Variants in NBEAL1 observed in about 807,000 individuals in gnomAD.
The protein encoded by NBEAL1 is neurobeachin-like protein 1.
NBEAL1 carries 273 observed loss-of-function variants against 351.3 expected under a neutral mutation model. That is an observed-to-expected ratio of 0.78 (90% CI 0.70 to 0.86). NBEAL1 has a LOEUF of 0.86. NBEAL1 is among the 40% of genes least tolerant of loss of function. NBEAL1 has a pLI of 0.00. For missense variants in NBEAL1, 2,961 were observed against 3,201.3 expected, an observed-to-expected ratio of 0.92 and a Z score of 1.81; for synonymous variants, 1,050 against 1,086.4, an observed-to-expected ratio of 0.97 and a Z score of 0.66.
chr2:203,210,122 G>A (rs1209231863), intron 53 of NBEAL1, among the ~76,000 whole-genome samples: 3 of 152,054 alleles, frequency 2.0e-5, no homozygotes, highest in African/African-American at 7.2e-5. Flanking sequence ...CAGCACTTTG[G>A]GAGGCTGAGG....
chr2:203,206,563 G>C (rs1363581103), intron 51 of NBEAL1, among the ~76,000 whole-genome samples: 2 of 147,672 alleles, frequency 1.4e-5, no homozygotes, highest in Admixed American at 1.4e-4. Context: ...TTGCAGGCGC[G>C]CGCCGCCACG....
intron 12 of NBEAL1, among the ~76,000 whole-genome samples, chr2:203,102,725 A>AT (rs1209143784): frequency 1.3e-5 from 2 of 152,040 alleles, no homozygotes; most frequent in East Asian, 3.9e-4. Flanking sequence ...TTTGTTGAAG[A>AT]TTTTTGCATC....
intron 48 of NBEAL1, 112 bp downstream of exon 48, chr2:203,197,503 T>A: frequency 1.5e-6 from 1 of 658,292 alleles, no homozygotes; most frequent in East Asian, 2.8e-5. Context: ...GCATGGTGGT[T>A]CATGCCTGTA....
At chr2:203,212,862 C>T (rs2065824360) in intron 54 of NBEAL1, among the ~76,000 whole-genome samples, 3 of 152,038 alleles carry the variant, frequency 2.0e-5, no homozygotes, top group South Asian at 2.1e-4. Context: ...AGCACAAAGA[C>T]GTAGGAACAG....
chr2:203,110,915 G>GCA (rs1199501318), intron 15 of NBEAL1, among the ~76,000 whole-genome samples: 1 of 151,358 alleles, frequency 6.6e-6, no homozygotes, highest in Non-Finnish European at 1.5e-5. Flanking sequence ...ACAGGCACGT[G>GCA]CCACCACACC....
intron 36 of NBEAL1, among the ~76,000 whole-genome samples, chr2:203,164,035 A>G (rs932627414): frequency 6.6e-6 from 1 of 151,936 alleles, no homozygotes; most frequent in Non-Finnish European, 1.5e-5. Flanking sequence ...TTTTGTGCAT[A>G]TTTTTACTCA....
chr2:203,207,471 G>T (rs1031456212), intron 51 of NBEAL1, among the ~76,000 whole-genome samples: 7 of 152,190 alleles, frequency 4.6e-5, no homozygotes, highest in Non-Finnish European at 7.3e-5. Flanking sequence ...GAATAGAAAG[G>T]GGGGAAAGGT....
At chr2:203,140,333 A>G (rs1391051438) in intron 31 of NBEAL1, among the ~76,000 whole-genome samples, 1 of 151,968 alleles carries the variant, frequency 6.6e-6, no homozygotes, top group Admixed American at 6.6e-5. Context: ...ACACAAAAGC[A>G]TAGAGGAAAA....
At chr2:203,027,578 G>A (rs760968801) in intron 2 of NBEAL1, among the ~76,000 whole-genome samples, 3 of 152,168 alleles carry the variant, frequency 2.0e-5, no homozygotes, top group Non-Finnish European at 4.4e-5. Context: ...TAGGAAAGGT[G>A]TGTAATTTAT....
intron 5 of NBEAL1, among the ~76,000 whole-genome samples, 159 bp from the exon 6 acceptor site, chr2:203,057,167 A>G (rs940164761): frequency 2.0e-5 from 3 of 152,196 alleles, no homozygotes; most frequent in Non-Finnish European, 4.4e-5. Flanking sequence ...TTTTAAAGCT[A>G]TCGTAGGACA....
chr2:203,169,987 C>T (rs1425809067), intron 39 of NBEAL1, 136 bp downstream of exon 39: 1 of 602,020 alleles, frequency 1.7e-6, no homozygotes, highest in Non-Finnish European at 3.0e-6. Flanking sequence ...ATCTTTGAAT[C>T]TTCCTTTGTT....
intron 27 of NBEAL1, 135 bp from the exon 28 acceptor site, chr2:203,135,540 AAT>A: frequency 1.7e-6 from 1 of 601,696 alleles, no homozygotes; most frequent in East Asian, 3.0e-5. Flanking sequence ...TCTAATTAAG[AAT>A]ATAATCTTTT....
intron 3 of NBEAL1, among the ~76,000 whole-genome samples, chr2:203,049,306 C>G (rs1356933546): frequency 6.6e-6 from 1 of 152,182 alleles, no homozygotes; most frequent in Admixed American, 6.5e-5. Flanking sequence ...ATCCACCCAC[C>G]TCGGCCTCCA....
intron 55 of NBEAL1, chr2:203,213,897 T>A: frequency 1.8e-6 from 1 of 569,888 alleles, no homozygotes; most frequent in African/African-American, 2.0e-5. Context: ...ACAGTTCATT[T>A]CTTCCAAATC....
chr2:203,119,692 C>T (rs1241148338), intron 18 of NBEAL1, among the ~76,000 whole-genome samples: 1 of 152,074 alleles, frequency 6.6e-6, no homozygotes, highest in Non-Finnish European at 1.5e-5. Context: ...TCCCAAAGTG[C>T]TGGGATTACA....
intron 2 of NBEAL1, among the ~76,000 whole-genome samples, chr2:203,029,363 A>AT (rs1187256834): frequency 6.6e-6 from 1 of 152,218 alleles, no homozygotes; most frequent in Non-Finnish European, 1.5e-5. Context: ...GCAAGAGGAC[A>AT]TATTTTACCT....
At chr2:203,172,390 G>A (rs1428605771) in intron 40 of NBEAL1, among the ~76,000 whole-genome samples, 1 of 151,952 alleles carries the variant, frequency 6.6e-6, no homozygotes, top group Non-Finnish European at 1.5e-5. Context: ...GCGTGGTGGT[G>A]CACACCTGTA....
At chr2:203,113,417 C>A in intron 17 of NBEAL1, 99 bp downstream of exon 17, 1 of 672,988 alleles carries the variant, frequency 1.5e-6, no homozygotes. Context: ...AGAATATATT[C>A]TGAAGAATAT....
In NBEAL1 at chr2:203,107,646, C is replaced by T; in HGVS notation, c.1407C>T (p.Gly469=). 1 of 1,552,418 alleles carries T rather than the reference C, an allele frequency of 6.4e-7. No individual in the cohort carries two copies. Among genetic ancestry groups the T allele is most frequent in the East Asian group, 2.4e-5 (1 of 41,056 alleles). The change falls in exon 14 of 56, where the codon GGC becomes GGT. Residue 469 remains glycine (G), a synonymous_variant. Coordinates refer to ENST00000683969, the MANE Select transcript of NBEAL1 (RefSeq NM_001378026.1). ...ACCACACTTCAGTTGGGATTTTGGGCATTAGTAATGTCCAACCTCTCTTGC... is the reference window on the plus strand; with the variant it reads ...ACCACACTTCAGTTGGGATTTTGGGTATTAGTAATGTCCAACCTCTCTTGC... ...EGDHTSVGIL[G]ISNVQPLLLL...
Sources: allele counts gnomAD v4.1 joint callset (sites outside exome capture counted in the v4.1 genomes callset), GRCh38; gene constraint gnomAD v4.1.1; transcripts MANE v1.5; gene names NCBI Gene and HGNC (gene_info 2026-07-23, HGNC 2026-07-21).